Variants in TADA2B observed in about 807,000 individuals in gnomAD.
TADA2B encodes the protein transcriptional adapter 2-beta.
TADA2B carries 13 observed loss-of-function variants against 34.5 expected under a neutral mutation model. The observed-to-expected ratio is 0.38, with a 90% CI of 0.25 to 0.60. The LOEUF (loss-of-function observed/expected upper bound fraction) is 0.60, where lower values mean the gene tolerates loss of function less well. Ranked by LOEUF, TADA2B falls within the 20% of genes least tolerant of loss-of-function variation. The probability of loss-of-function intolerance (pLI) is 0.65; values close to 1 mark genes in which losing one functional copy is unlikely to be tolerated. For synonymous variants in TADA2B, 240 were observed against 243.4 expected (o/e 0.99, Z 0.13); for missense variants, 442 against 575.0 (o/e 0.77, Z 2.37).
intron 1 of TADA2B, among the ~76,000 whole-genome samples, chr4:7,046,388 A>G (rs1417289585): frequency 1.3e-5 from 2 of 152,142 alleles, no homozygotes; most frequent in Non-Finnish European, 2.9e-5. Flanking sequence ...CTCTTCCCAT[A>G]TGTGTCCTGT....
At chr4:7,052,994 T>G (rs1207054567) in intron 1 of TADA2B, 1 of 152,246 alleles carries the variant, frequency 6.6e-6, no homozygotes, top group African/African-American at 2.4e-5. Context: ...CCCAGAACAC[T>G]TCTCTCCCAG....
Position 7,054,644 on chromosome 4 carries a change from C to A in TADA2B, c.853C>A (p.Arg285=), listed in dbSNP as rs758085565. 38 of 1,613,714 alleles carry A rather than the reference C, an allele frequency of 2.4e-5. No homozygotes were observed. The highest frequency in any genetic ancestry group is 8.5e-7 in the Non-Finnish European group (1 of 1,179,880). ...AAACATGCACAAAGAAAAAATGCTC[C>A]GGGCCAAGATCCGAGAACTGCAGCG... ...FENMHKEKML[R]AKIRELQRYR... is the part of the protein sequence containing the mutation. The change falls in exon 2 of 2, where the codon CGG becomes AGG. Residue 285 remains arginine (R), a synonymous_variant. Transcript: ENST00000310074.
In TADA2B at chr4:7,055,914, CTGT is replaced by C. The variant is rs1241614307; in HGVS notation, c.*862_*864del. ...CATTTTCCGGGGCTGCTCGGTGCTG[CTGT>C]TAAGACGTGAGTGCATTTCACTTGG... is the stretch of plus-strand genomic sequence containing the variant. On this transcript the variant is annotated 3_prime_UTR_variant, in exon 2 of 2. Coordinates refer to ENST00000310074, the MANE Select transcript of TADA2B (RefSeq NM_152293.3). The C allele has an allele frequency of 1.3e-5, 2 of 152,254 alleles. No homozygotes were observed. The highest frequency in any genetic ancestry group is 2.4e-5 in the African/African-American group (1 of 41,470). 9.4% of individuals were successfully genotyped at this position (152,254 alleles called of 1,614,324 possible).
chr4:7,050,741 C>A (rs1723747706), intron 1 of TADA2B, among the ~76,000 whole-genome samples: 1 of 152,268 alleles, frequency 6.6e-6, no homozygotes, highest in Non-Finnish European at 1.5e-5. Context: ...TGAGCTGTGG[C>A]ACGTCTCCAA....
At chr4:7,047,090 A>G (rs1315430309) in intron 1 of TADA2B, among the ~76,000 whole-genome samples, 1 of 152,100 alleles carries the variant, frequency 6.6e-6, no homozygotes, top group African/African-American at 2.4e-5. Flanking sequence ...GCGTCTCTAG[A>G]AGGCCGGTTT....
intron 1 of TADA2B, among the ~76,000 whole-genome samples, chr4:7,050,809 A>G (rs368135027): frequency 3.3e-5 from 5 of 152,360 alleles, no homozygotes; most frequent in African/African-American, 1.2e-4. Context: ...TCTGCCTCTC[A>G]TCACAACATC....
chr4:7,051,323 C>G (rs952069434), intron 1 of TADA2B, among the ~76,000 whole-genome samples: 2 of 149,270 alleles, frequency 1.3e-5, no homozygotes, highest in Non-Finnish European at 3.0e-5. Flanking sequence ...ACTGCCCTAC[C>G]AGGTGGACCC....
intron 1 of TADA2B, among the ~76,000 whole-genome samples, chr4:7,044,587 G>C (rs557639246): frequency 6.6e-6 from 1 of 152,174 alleles, no homozygotes; most frequent in Non-Finnish European, 1.5e-5. Flanking sequence ...CTTGAGAGAG[G>C]AACATGGTTC....
Position 7,054,680 on chromosome 4 carries a change from A to T in TADA2B, c.889A>T (p.Asn297Tyr), listed in dbSNP as rs1280411408. The T allele has an allele frequency of 3.1e-6, 5 of 1,613,856 alleles. No individual in the cohort carries two copies. The highest frequency in any genetic ancestry group is 4.2e-6 in the Non-Finnish European group (5 of 1,179,910). ...CCGAGAACTGCAGCGGTACCGGCGA[A>T]ACGGGATCACCAAGATGGAAGAGTC... is the stretch of plus-strand genomic sequence containing the variant. ...KIRELQRYRR[N>Y]GITKMEESAE... The change falls in exon 2 of 2, where the codon AAC (asparagine) becomes TAC (tyrosine). Residue 297 changes from asparagine (N) to tyrosine (Y), a missense_variant. Physicochemically the swap from Asn to Tyr is moderately radical, Grantham distance 143. Around this residue, in one of 4 missense-constraint regions of TADA2B, gnomAD observed 222 missense variants for 235.2 expected, o/e 0.94. Coordinates refer to ENST00000310074, the MANE Select transcript of TADA2B (RefSeq NM_152293.3).
In TADA2B at chr4:7,057,380, C is replaced by A. The variant is rs1577219195; in HGVS notation, c.*2326C>A. 2 of 152,342 alleles carry A rather than the reference C, an allele frequency of 1.3e-5. No individual in the cohort carries two copies. Among genetic ancestry groups the A allele is most frequent in the East Asian group, 3.9e-4 (2 of 5,184 alleles). 9.4% of individuals were successfully genotyped at this position (152,342 alleles called of 1,614,324 possible). A position where few individuals can be genotyped will look rare whatever the true frequency, so the allele number is the denominator to read the frequency against. The stretch of plus-strand genomic sequence containing the variant: ...TAATGTGATTGGCTGCCTGTTAGCC[C>A]ATCGACTATTCCCGTCACGGTAGTC... On this transcript the variant is annotated 3_prime_UTR_variant, in exon 2 of 2. Coordinates refer to ENST00000310074, the MANE Select transcript of TADA2B (RefSeq NM_152293.3).
chr4:7,048,399 C>T (rs966857293), intron 1 of TADA2B, among the ~76,000 whole-genome samples: 1 of 152,090 alleles, frequency 6.6e-6, no homozygotes, highest in African/African-American at 2.4e-5. Context: ...CTGAGTCACC[C>T]CCACCTCCCA....
rs1723910039 is a variant in TADA2B, at chr4:7,057,143, T to C, written c.*2089T>C. 1 of 152,238 alleles carries C rather than the reference T, an allele frequency of 6.6e-6. No individual in the cohort carries two copies. The highest frequency in any genetic ancestry group is 6.5e-5 in the Admixed American group (1 of 15,284). 9.4% of individuals were successfully genotyped at this position (152,238 alleles called of 1,614,324 possible). The stretch of plus-strand genomic sequence containing the variant: ...TATAAAATGATTGCCAGACGTACTA[T>C]ATTAAGCTTGAAGAAGCAGAAGATC... On this transcript the variant is annotated 3_prime_UTR_variant, in exon 2 of 2. Transcript: ENST00000310074.
chr4:7,051,559 G>T (rs1178726252), intron 1 of TADA2B, among the ~76,000 whole-genome samples: 1 of 151,820 alleles, frequency 6.6e-6, no homozygotes, highest in Non-Finnish European at 1.5e-5. Context: ...ACCTAGTGTT[G>T]CTAACTTGAA....
chr4:7,046,410 A>T (rs4689582), intron 1 of TADA2B, among the ~76,000 whole-genome samples: 1 of 152,148 alleles, frequency 6.6e-6, no homozygotes, highest in Non-Finnish European at 1.5e-5. Flanking sequence ...GGATCTTCCT[A>T]GCAACCCTCG....
chr4:7,047,527 C>T (rs1253743216), intron 1 of TADA2B, among the ~76,000 whole-genome samples: 1 of 152,350 alleles, frequency 6.6e-6, no homozygotes, highest in Admixed American at 6.5e-5. Flanking sequence ...TGGTCACTGC[C>T]TTGTGCGTGC....
At chr4:7,045,919 T>C (rs563916859) in intron 1 of TADA2B, 1 of 152,358 alleles carries the variant, frequency 6.6e-6, no homozygotes, top group East Asian at 1.9e-4. Flanking sequence ...TCTAAAACAA[T>C]ACTTTCCGAA....
chr4:7,044,627 A>G (rs1723577246), intron 1 of TADA2B, among the ~76,000 whole-genome samples: 1 of 151,744 alleles, frequency 6.6e-6, no homozygotes, highest in Non-Finnish European at 1.5e-5. Context: ...CTCTCCTTCC[A>G]CTCTGGAAGC....
rs779282113 is a variant in TADA2B at position 7,054,288 on chromosome 4, A to G, written c.497A>G (p.Tyr166Cys). 2.5e-6 allele frequency: 4 copies of G among 1,613,194 alleles called. No homozygotes were observed. The stretch of plus-strand genomic sequence containing the variant: ...GTGGCTGAGCAGCAGCAGCTGGGCT[A>G]CATGCCGCTGCGGGATGATTACGAG... ...ISVAEQQQLG[Y>C]MPLRDDYEIE... Residue 166 changes from tyrosine to cysteine, a missense_variant, in exon 2 of 2, where the codon TAC becomes TGC. Coordinates refer to ENST00000310074, the MANE Select transcript of TADA2B (RefSeq NM_152293.3).
Position 7,056,389 on chromosome 4 carries a change from G to A in TADA2B, c.*1335G>A, listed in dbSNP as rs900497279. ...CCCTGCTTTAAAGAGAGTCTTTGGC[G>A]TGCTCAGACTCCAGCGCTCCGTTCT... On this transcript the variant is annotated 3_prime_UTR_variant, in exon 2 of 2. Transcript: ENST00000310074. 2.0e-5 allele frequency: 3 copies of A among 152,566 alleles called. No homozygotes were observed. The highest frequency in any genetic ancestry group is 2.1e-4 in the South Asian group (1 of 4,826). 9.5% of individuals were successfully genotyped at this position (152,566 alleles called of 1,614,324 possible). A position where few individuals can be genotyped will look rare whatever the true frequency, so the allele number is the denominator to read the frequency against.
Sources: gnomAD v4.1 joint callset for allele counts (sites outside exome capture counted in the v4.1 genomes callset) on GRCh38, gnomAD v4.1.1 for gene constraint, gnomAD v4.1.1 regional missense constraint, MANE v1.5 for transcripts, NCBI Gene and HGNC (gene_info 2026-07-23, HGNC 2026-07-21) for gene names.